The following SRPRB variants were observed in gnomAD, a reference collection of about 807,000 sequenced individuals.
The protein encoded by SRPRB is SRP receptor subunit beta.
A neutral mutation model predicts 31.9 loss-of-function variants in SRPRB; 20 were observed. That is an observed-to-expected ratio of 0.63 (90% CI 0.44 to 0.91). The LOEUF (loss-of-function observed/expected upper bound fraction) is 0.91. Ranked by LOEUF, SRPRB falls within the 40% of genes least tolerant of loss-of-function variation. SRPRB has a pLI of 0.00. For synonymous variants in SRPRB, 146 were observed against 132.8 expected (o/e 1.10, Z -0.68); for missense variants, 321 against 324.9 (o/e 0.99, Z 0.09).
At chr3:133,824,364 C>T (rs1263728747), downstream of SRPRB, 3 of 152,178 alleles carry the variant, frequency 2.0e-5, no homozygotes, top group Non-Finnish European at 2.9e-5. Flanking sequence ...GAATTGCCAC[C>T]CTCTGTGCTC....
At chr3:133,812,178 C>T (rs190647696) in intron 4 of SRPRB, among the ~76,000 whole-genome samples, 9 of 152,080 alleles carry the variant, frequency 5.9e-5, no homozygotes, top group Admixed American at 1.3e-4. Flanking sequence ...CTTAGCGGTC[C>T]CTAAAATAAT....
intron 1 of SRPRB, chr3:133,786,726 A>T (rs959492321): frequency 1.3e-5 from 2 of 152,252 alleles, no homozygotes; most frequent in African/African-American, 4.8e-5. Flanking sequence ...GGAGATGGGA[A>T]GGTGTAGGCC....
In SRPRB at chr3:133,811,175, T is replaced by TA; in HGVS notation, c.387dup (p.Glu130ArgfsTer4). ...CATGAGAGTTTGAGGCTTCAGTTCT[T>TA]AGAGCGGTTTAAGTCTTCAGCCAGG... On this transcript the variant is annotated frameshift_variant, in exon 4 of 7. Coordinates refer to ENST00000678299, the MANE Select transcript of SRPRB (RefSeq NM_001379313.1). LOFTEE classifies it high-confidence loss of function. The TA allele has an allele frequency of 6.2e-7, 1 of 1,614,192 alleles. No homozygotes were observed. Among genetic ancestry groups the TA allele is most frequent in the Non-Finnish European group, 8.5e-7 (1 of 1,180,024 alleles).
chr3:133,814,358 C>G (rs1023590194), intron 4 of SRPRB, among the ~76,000 whole-genome samples: 7 of 152,124 alleles, frequency 4.6e-5, no homozygotes, highest in Non-Finnish European at 1.0e-4. Flanking sequence ...GTCTCGATCT[C>G]CTGACCTCGT....
At position 133,819,809 on chromosome 3, in the gene SRPRB, T is replaced by G; in HGVS notation, c.*43T>G. 6.3e-7 allele frequency: 1 copy of G among 1,583,330 alleles called. No individual in the cohort carries two copies. The highest frequency in any genetic ancestry group is 8.6e-7 in the Non-Finnish European group (1 of 1,159,638). ...CAAGACCTGGATGTGTGACACACAG[T>G]TTTGGAAAAAGGTCTGTGGTAGTCT... On this transcript the variant is annotated 3_prime_UTR_variant, in exon 7 of 7. Coordinates refer to ENST00000678299, the MANE Select transcript of SRPRB (RefSeq NM_001379313.1).
intron 1 of SRPRB, 142 bp from the exon 2 acceptor site, chr3:133,806,467 A>G (rs1278302474): frequency 6.2e-6 from 4 of 647,204 alleles, no homozygotes; most frequent in Admixed American, 2.6e-5. Flanking sequence ...AACAACAGCA[A>G]TAGTAACCAT....
chr3:133,806,011 C>A lies in SRPRB; in HGVS notation c.154+9C>A. On this transcript the variant is annotated intron_variant, in intron 1 of 6. Coordinates refer to ENST00000678299, the MANE Select transcript of SRPRB (RefSeq NM_001379313.1). Reference sequence around the variant, plus strand: ...GGTGCTGCTGACGCTAGGTAAAAGGCGGCCGGTGGTCATGGCGGGTTTGGG... The same window carrying A: ...GGTGCTGCTGACGCTAGGTAAAAGGAGGCCGGTGGTCATGGCGGGTTTGGG... 1.2e-6 allele frequency: 2 copies of A among 1,610,876 alleles called. No homozygotes were observed. Among genetic ancestry groups the A allele is most frequent in the Non-Finnish European group, 1.7e-6 (2 of 1,178,152 alleles).
At chr3:133,806,260 C>G (rs1438603970) in intron 1 of SRPRB, among the ~76,000 whole-genome samples, 2 of 152,190 alleles carry the variant, frequency 1.3e-5, no homozygotes, top group Non-Finnish European at 2.9e-5. Flanking sequence ...TGCCCTGTTA[C>G]GCTTGAGCGC....
At chr3:133,806,472 A>C in intron 1 of SRPRB, 137 bp from the exon 2 acceptor site, 1 of 657,682 alleles carries the variant, frequency 1.5e-6, no homozygotes, top group South Asian at 2.0e-5. Context: ...CAGCAATAGT[A>C]ACCATTATGA....
downstream of SRPRB, chr3:133,826,311 G>A (rs1935561762): frequency 6.6e-6 from 1 of 152,262 alleles, no homozygotes; most frequent in Non-Finnish European, 1.5e-5. Context: ...TGCTCCTCTA[G>A]GCCAGGATGG....
At chr3:133,804,461 GA>G (rs2107966318), upstream of SRPRB, among the ~76,000 whole-genome samples, 2 of 152,224 alleles carry the variant, frequency 1.3e-5, no homozygotes, top group South Asian at 4.2e-4. Context: ...GATTTTTAAA[GA>G]AAAAATGAGT....
In SRPRB at chr3:133,805,832, G is replaced by C. The variant is rs1216214099; in HGVS notation, c.-17G>C. 1 of 1,599,952 alleles carries C rather than the reference G, an allele frequency of 6.3e-7. No individual in the cohort carries two copies. Among genetic ancestry groups the C allele is most frequent in the Admixed American group, 1.7e-5 (1 of 58,538 alleles). ...GCCACGTCGCTTTTGCTGTACCGGGGACCACGCGTCTCATCCATGGCTTCC... is the reference window on the plus strand; with the variant it reads ...GCCACGTCGCTTTTGCTGTACCGGGCACCACGCGTCTCATCCATGGCTTCC... On this transcript the variant is annotated 5_prime_UTR_variant, in exon 1 of 7. Transcript: ENST00000678299.
rs756280267 is a variant in SRPRB at position 133,816,973 on chromosome 3, A to G, written c.602+41A>G. The G allele has an allele frequency of 1.1e-5, 17 of 1,510,532 alleles. No homozygotes were observed. The African/African-American group carries it at 2.3e-4, about 21-fold the overall frequency. 93.6% of individuals were successfully genotyped at this position (1,510,532 alleles called of 1,614,324 possible). A position where few individuals can be genotyped will look rare whatever the true frequency, so the allele number is the denominator to read the frequency against. ...GCCTGTTGGTTAATTATATATCTTA[A>G]CACTTAGACTGTAAGCAGCATATTC... On this transcript the variant is annotated intron_variant, in intron 6 of 6. Coordinates refer to ENST00000678299, the MANE Select transcript of SRPRB (RefSeq NM_001379313.1).
downstream of SRPRB, chr3:133,828,145 G>C: frequency 1.6e-6 from 1 of 607,004 alleles, no homozygotes; most frequent in South Asian, 1.9e-5. Flanking sequence ...AGAGCCCACA[G>C]ACCTTGGTCT....
chr3:133,815,829 C>A, intron 5 of SRPRB, 103 bp downstream of exon 5: 1 of 1,354,938 alleles, frequency 7.4e-7, no homozygotes, highest in Non-Finnish European at 1.0e-6. Context: ...GGATGAGATA[C>A]AATTGCTGTA....
downstream of SRPRB, chr3:133,828,483 C>G (rs997651800): frequency 2.3e-6 from 1 of 431,174 alleles, no homozygotes; most frequent in Admixed American, 4.1e-5. Flanking sequence ...ACATTTTTAT[C>G]TGGCAAAAAA....
At chr3:133,798,149 C>G (rs1258025578) in intron 1 of SRPRB, among the ~76,000 whole-genome samples, 1 of 152,128 alleles carries the variant, frequency 6.6e-6, no homozygotes, top group Non-Finnish European at 1.5e-5. Flanking sequence ...TTGTAAATAT[C>G]TTTTTGTTAT....
upstream of SRPRB, among the ~76,000 whole-genome samples, chr3:133,805,343 T>A (rs1935130509): frequency 6.6e-6 from 1 of 152,206 alleles, no homozygotes; most frequent in Non-Finnish European, 1.5e-5. Context: ...TCTTCAGGAC[T>A]CAATTCCAAT....
intron 1 of SRPRB, chr3:133,795,373 C>T (rs1257897555): frequency 2.0e-5 from 3 of 152,128 alleles, no homozygotes; most frequent in Non-Finnish European, 4.4e-5. Context: ...ATGCTGCCAC[C>T]TCTAGAATGT....
Sources: allele counts gnomAD v4.1 joint callset (sites outside exome capture counted in the v4.1 genomes callset), GRCh38; gene constraint gnomAD v4.1.1; transcripts MANE v1.5; gene names NCBI Gene and HGNC (gene_info 2026-07-23, HGNC 2026-07-21).